NDUFS1: variants seen among roughly 807,000 people sequenced by gnomAD.
The protein encoded by NDUFS1 is NADH:ubiquinone oxidoreductase core subunit S1.
Under a neutral mutation model 84.4 loss-of-function variants are expected in NDUFS1, and 61 were observed. That is an observed-to-expected ratio of 0.72 (90% confidence interval 0.59 to 0.89). The LOEUF (loss-of-function observed/expected upper bound fraction) is 0.89. Among genes scored for constraint, NDUFS1 ranks in the 40% least tolerant of loss-of-function variants. The pLI is 0.00. For missense variants in NDUFS1, 891 were observed against 890.0 expected (o/e 1.00, Z -0.01); for synonymous variants, 275 against 290.0 (o/e 0.95, Z 0.53).
At position 206,159,383 on chromosome 2, in the gene NDUFS1, G is replaced by T. The variant is rs4147707; in HGVS notation, c.-47C>A. On this transcript the variant is annotated 5_prime_UTR_variant, in exon 1 of 19. Coordinates refer to ENST00000233190, the MANE Select transcript of NDUFS1 (RefSeq NM_005006.7). Reference sequence around the variant, plus strand: ...GGAGGCTGTTCTGCTAAACTGTCTGGACCACGACGACCCCCTAGGAGGCCG... The same window carrying T: ...GGAGGCTGTTCTGCTAAACTGTCTGTACCACGACGACCCCCTAGGAGGCCG... 11 of 560,240 alleles carry T rather than the reference G, an allele frequency of 2.0e-5. No individual in the cohort carries two copies. Among genetic ancestry groups the T allele is most frequent in the Non-Finnish European group, 3.2e-6 (1 of 313,782 alleles). 34.7% of individuals were successfully genotyped at this position (560,240 alleles called of 1,614,324 possible).
Position 206,140,360 on chromosome 2 carries a change from T to C in NDUFS1, c.1262+1581A>G, listed in dbSNP as rs569585108. On this transcript the variant is annotated intron_variant, in intron 12 of 18. Coordinates refer to ENST00000233190, the MANE Select transcript of NDUFS1 (RefSeq NM_005006.7). Reference sequence around the variant, plus strand: ...CAAGACCCCTAACACAAAAACTAGCTGGACGTGGTGGCATATGCCTGTATT... The same window carrying C: ...CAAGACCCCTAACACAAAAACTAGCCGGACGTGGTGGCATATGCCTGTATT... Among the ~76,000 whole-genome samples, 13 of 152,114 alleles carry C rather than the reference T, an allele frequency of 8.5e-5. No individual in the cohort carries two copies. In the South Asian group the frequency reaches 2.7e-3, roughly 32 times the overall value.
intron 13 of NDUFS1, among the ~76,000 whole-genome samples, chr2:206,135,956 G>A (rs546519423): frequency 2.0e-5 from 3 of 151,934 alleles, no homozygotes; most frequent in Admixed American, 6.5e-5. Context: ...AATCACATGT[G>A]AGCAAGCAAA....
chr2:206,126,777 G>C lies in NDUFS1; in HGVS notation c.1952C>G (p.Pro651Arg). ...AATATCATCATATCGAACAAGATTA[G>C]GAGAGACTTCTTCCAATCTGTTCCT... ...QVRNRLEEVS[P>R]NLVRYDDIEG... Residue 651 changes from proline (P) to arginine (R), a missense_variant, in exon 17 of 19, where the codon CCT becomes CGT. By Grantham distance (103) the Pro-to-Arg change is moderately radical. Transcript: ENST00000233190. 2 of 1,614,124 alleles carry C rather than the reference G, an allele frequency of 1.2e-6. No individual in the cohort carries two copies. The highest frequency in any genetic ancestry group is 1.7e-6 in the Non-Finnish European group (2 of 1,180,014).
chr2:206,131,298 C>A (rs952759317), intron 14 of NDUFS1, among the ~76,000 whole-genome samples: 1 of 152,144 alleles, frequency 6.6e-6, no homozygotes, highest in African/African-American at 2.4e-5. Flanking sequence ...TAAAAACTAC[C>A]ATCAACATAC....
Position 206,144,994 on chromosome 2 carries a change from A to G in NDUFS1, c.770T>C (p.Val257Ala). Reference protein sequence around the residue: ...KTESIDVMDAVGSNIVVSTRT... With the variant: ...KTESIDVMDAAGSNIVVSTRT... Reference sequence around the variant, plus strand: ...TGTGCTAACCACAATATTACTTCCAACCGCATCCATTACATCAATGGATTC... The same window carrying G: ...TGTGCTAACCACAATATTACTTCCAGCCGCATCCATTACATCAATGGATTC... Residue 257 changes from valine to alanine, a missense_variant, in exon 9 of 19, where the codon GTT (valine) becomes GCT (alanine). By Grantham distance (64) the Val-to-Ala change is moderately conservative (BLOSUM62 0). Coordinates refer to ENST00000233190, the MANE Select transcript of NDUFS1 (RefSeq NM_005006.7). 6.2e-7 allele frequency: 1 copy of G among 1,613,984 alleles called. No individual in the cohort carries two copies. The highest frequency in any genetic ancestry group is 1.3e-5 in the African/African-American group (1 of 75,006).
chr2:206,141,980 C>A lies in NDUFS1; in HGVS notation c.1223G>T (p.Arg408Leu). ...DVVLLVGTNPRFEAPLFNARI... is the reference protein window; with the variant it reads ...DVVLLVGTNPLFEAPLFNARI... Reference sequence around the variant, plus strand: ...AGCATTAAACAGTGGTGCCTCAAAACGTGGGTTTGTACCAACCAGAAGAAC... The same window carrying A: ...AGCATTAAACAGTGGTGCCTCAAAAAGTGGGTTTGTACCAACCAGAAGAAC... Residue 408 changes from arginine to leucine, a missense_variant, in exon 12 of 19, where the codon CGT becomes CTT. Coordinates refer to ENST00000233190, the MANE Select transcript of NDUFS1 (RefSeq NM_005006.7). The A allele has an allele frequency of 2.5e-6, 4 of 1,611,366 alleles. No individual in the cohort carries two copies. Among genetic ancestry groups the A allele is most frequent in the Non-Finnish European group, 3.4e-6 (4 of 1,177,618 alleles).
intron 3 of NDUFS1, among the ~76,000 whole-genome samples, chr2:206,151,505 T>C (rs916520271): frequency 1.3e-5 from 2 of 152,222 alleles, no homozygotes; most frequent in Non-Finnish European, 2.9e-5. Flanking sequence ...AACTTTTCAC[T>C]GTACCTTGAA....
At chr2:206,158,291 C>G (rs1687755634) in intron 1 of NDUFS1, among the ~76,000 whole-genome samples, 1 of 152,148 alleles carries the variant, frequency 6.6e-6, no homozygotes, top group African/African-American at 2.4e-5. Flanking sequence ...ACCAAGCTTC[C>G]ACACTATTCC....
intron 7 of NDUFS1, 27 bp downstream of exon 7, chr2:206,147,504 A>G (rs750119711): frequency 4.4e-6 from 7 of 1,594,968 alleles, no homozygotes; most frequent in Non-Finnish European, 5.1e-6. Flanking sequence ...TATATTCTAT[A>G]ATAGAAAAAA....
chr2:206,152,235 CACAA>C (rs1043322837), intron 3 of NDUFS1, among the ~76,000 whole-genome samples, 180 bp downstream of exon 3: 1 of 152,098 alleles, frequency 6.6e-6, no homozygotes, highest in Non-Finnish European at 1.5e-5. Flanking sequence ...CTAAAAATGC[CACAA>C]ACAAATATAT....
chr2:206,145,541 A>G (rs1011577327), intron 8 of NDUFS1, among the ~76,000 whole-genome samples: 5 of 152,176 alleles, frequency 3.3e-5, no homozygotes, highest in African/African-American at 1.2e-4. Context: ...CGATTCAACA[A>G]GAGGGGCAGG....
chr2:206,141,597 TA>T (rs35163721), intron 12 of NDUFS1, among the ~76,000 whole-genome samples: 3,524 of 136,374 alleles, frequency 0.026, 135 homozygotes, highest in African/African-American at 0.087. Flanking sequence ...TTAAAAAAAT[TA>T]AAAAAAAAAA....
rs1691197869 is a variant in NDUFS1, at chr2:206,124,292, A to C, written c.2093-16T>G. On this transcript the variant is annotated splice_polypyrimidine_tract_variant and intron_variant, in intron 18 of 18. Transcript: ENST00000233190. ...CTAATTGAATCTGAAAGATATTAAG[A>C]AAATGTCATTTTGATAATACAACTT... 1 of 1,577,656 alleles carries C rather than the reference A, an allele frequency of 6.3e-7. No individual in the cohort carries two copies. Among genetic ancestry groups the C allele is most frequent in the Non-Finnish European group, 8.7e-7 (1 of 1,147,010 alleles).
rs139120428 is a variant in NDUFS1 at position 206,133,075 on chromosome 2, C to A, written c.1423G>T (p.Val475Phe). The change falls in exon 14 of 19, where the codon GTT (valine) becomes TTT (phenylalanine). Residue 475 changes from valine (V) to phenylalanine (F), a missense_variant. Val to Phe is a conservative substitution (Grantham distance 50). Transcript: ENST00000233190. ...VLKEAKKPMV[V>F]LGSSALQRND... is the part of the protein sequence containing the mutation. ...CTTTGGAGTGCAGAACTGCCTAAAA[C>A]CACCATTGGTTTTTTAGCTTCCTTT... is the stretch of plus-strand genomic sequence containing the variant. The A allele has an allele frequency of 1.2e-6, 2 of 1,613,280 alleles. No homozygotes were observed. The highest frequency in any genetic ancestry group is 1.7e-6 in the Non-Finnish European group (2 of 1,179,748).
At chr2:206,146,436 T>G (rs1284905997) in intron 8 of NDUFS1, among the ~76,000 whole-genome samples, 3 of 152,244 alleles carry the variant, frequency 2.0e-5, no homozygotes, top group East Asian at 3.8e-4. Context: ...ACCTCTTGCA[T>G]CTATCTACTC....
intron 14 of NDUFS1, among the ~76,000 whole-genome samples, chr2:206,131,105 GTATTTGT>G (rs1575953498): frequency 1.3e-5 from 2 of 152,122 alleles, no homozygotes; most frequent in African/African-American, 4.8e-5. Flanking sequence ...GTTTAGCTTG[GTATTTGT>G]TAACTATCTA....
chr2:206,146,537 T>A (rs1025145396), intron 8 of NDUFS1, among the ~76,000 whole-genome samples: 5 of 152,188 alleles, frequency 3.3e-5, no homozygotes, highest in Non-Finnish European at 7.4e-5. Flanking sequence ...TAAAGAAATA[T>A]ACAAGCTAAA....
chr2:206,139,334 T>C (rs932951387), intron 12 of NDUFS1, among the ~76,000 whole-genome samples: 2 of 151,968 alleles, frequency 1.3e-5, no homozygotes, highest in East Asian at 3.9e-4. Flanking sequence ...TACAGGCACC[T>C]GCCTCTACGC....
At chr2:206,140,314 A>G (rs1430072076) in intron 12 of NDUFS1, among the ~76,000 whole-genome samples, 2 of 151,954 alleles carry the variant, frequency 1.3e-5, no homozygotes, top group African/African-American at 4.8e-5. Context: ...ATGCTAATAT[A>G]CCTTAGCCTG....
Sources: allele counts gnomAD v4.1 joint callset (sites outside exome capture counted in the v4.1 genomes callset), GRCh38; gene constraint gnomAD v4.1.1; transcripts MANE v1.5; gene names NCBI Gene and HGNC (gene_info 2026-07-23, HGNC 2026-07-21).